MRPS6: variants seen among roughly 807,000 people sequenced by gnomAD.
The protein encoded by MRPS6 is small ribosomal subunit protein bS6m.
MRPS6 carries 6 observed loss-of-function variants against 13.1 expected under a neutral mutation model. That is an observed-to-expected ratio of 0.46 (90% confidence interval 0.25 to 0.91). The LOEUF is 0.91. Ranked by LOEUF, MRPS6 falls within the 40% of genes least tolerant of loss-of-function variation. The pLI is 0.18. For synonymous variants in MRPS6, 61 were observed against 56.5 expected (o/e 1.08, Z -0.36); for missense variants, 164 against 155.6 (o/e 1.05, Z -0.29).
intron 2 of MRPS6, among the ~76,000 whole-genome samples, chr21:34,127,173 C>CA (rs1980339183): frequency 6.6e-6 from 1 of 152,188 alleles, no homozygotes; most frequent in Non-Finnish European, 1.5e-5. Context: ...TCAGACTCCT[C>CA]AACAAACAGA....
At chr21:34,100,076 T>A (rs1979165568) in intron 1 of MRPS6, 1 of 997,624 alleles carries the variant, frequency 1.0e-6, no homozygotes, top group Non-Finnish European at 1.2e-6. Context: ...CATTAACATG[T>A]GTATATTTTT....
chr21:34,141,145 G>A (rs1007441269), intron 2 of MRPS6, among the ~76,000 whole-genome samples: 99 of 152,126 alleles, frequency 6.5e-4, no homozygotes, highest in African/African-American at 2.3e-3. Context: ...ACACCATCAC[G>A]GTCAAAGATT....
At position 34,088,040 on chromosome 21, in the gene MRPS6, A is replaced by T. The variant is rs1026159597; in HGVS notation, c.45+14295A>T. Among the ~76,000 whole-genome samples, 3 of 152,220 alleles carry T rather than the reference A, an allele frequency of 2.0e-5. No homozygotes were observed. In the South Asian group the frequency reaches 6.2e-4, roughly 32 times the overall value. On this transcript the variant is annotated intron_variant, in intron 1 of 2. Coordinates refer to ENST00000399312, the MANE Select transcript of MRPS6 (RefSeq NM_032476.4). ...CACATTTTTTGGGCAAGAGCAAATTATTCATACCCCGGAACAACAGGCAAC... is the reference window on the plus strand; with the variant it reads ...CACATTTTTTGGGCAAGAGCAAATTTTTCATACCCCGGAACAACAGGCAAC...
intron 1 of MRPS6, 48 bp downstream of exon 1, chr21:34,073,793 C>T: frequency 7.2e-7 from 1 of 1,395,388 alleles, no homozygotes. Flanking sequence ...GGCGCCCCCG[C>T]TGCCGCTAGG....
chr21:34,109,321 G>A (rs1371288852), intron 1 of MRPS6, among the ~76,000 whole-genome samples: 1 of 152,260 alleles, frequency 6.6e-6, no homozygotes, highest in South Asian at 2.1e-4. Flanking sequence ...CTGGCATCAC[G>A]ATTGGGCCTG....
chr21:34,087,109 G>T (rs1001942952), intron 1 of MRPS6, among the ~76,000 whole-genome samples: 10 of 152,164 alleles, frequency 6.6e-5, no homozygotes, highest in African/African-American at 2.4e-4. Context: ...GGAGATGGTG[G>T]CTCCAGATAC....
At chr21:34,135,522 A>C (rs1980663444) in intron 2 of MRPS6, 5 of 506,238 alleles carry the variant, frequency 9.9e-6, no homozygotes, top group Non-Finnish European at 2.0e-5. Context: ...TGATGAGCTC[A>C]TCTGCCAGGC....
intron 2 of MRPS6, among the ~76,000 whole-genome samples, chr21:34,133,728 A>G (rs1042032968): frequency 2.6e-5 from 4 of 152,172 alleles, no homozygotes; most frequent in Admixed American, 6.5e-5. Context: ...TCAGCAGCAC[A>G]TTACTCTAAG....
chr21:34,102,980 T>A (rs969599935), intron 1 of MRPS6: 39 of 999,754 alleles, frequency 3.9e-5, no homozygotes, highest in Admixed American at 1.8e-4. Context: ...AAAAGAGTGT[T>A]TACTTTTTAT....
chr21:34,090,344 C>T (rs1978622163), intron 1 of MRPS6, among the ~76,000 whole-genome samples: 1 of 152,214 alleles, frequency 6.6e-6, no homozygotes, highest in African/African-American at 2.4e-5. Context: ...TATTCCACCA[C>T]AGGAATTTGC....
chr21:34,103,048 C>T lies in MRPS6; in HGVS notation c.46-22293C>T, dbSNP rs532661552. 4.0e-6 allele frequency: 4 copies of T among 999,916 alleles called. No homozygotes were observed. In the South Asian group the frequency reaches 1.4e-4, roughly 35 times the overall value. 61.9% of individuals were successfully genotyped at this position (999,916 alleles called of 1,614,324 possible). On this transcript the variant is annotated intron_variant, in intron 1 of 2. Transcript: ENST00000399312. ...CAATTTATCAACATAGCCTAGACTT[C>T]TGTAAGTGGAATGTTCATTAGTAAC... is the stretch of plus-strand genomic sequence containing the variant.
chr21:34,135,402 G>C (rs879138586), intron 2 of MRPS6: 1 of 303,944 alleles, frequency 3.3e-6, no homozygotes, highest in Admixed American at 3.4e-5. Context: ...CCAAAGGGCA[G>C]ACTGGTTTAT....
chr21:34,088,145 T>C (rs1978490321), intron 1 of MRPS6, among the ~76,000 whole-genome samples: 1 of 152,266 alleles, frequency 6.6e-6, no homozygotes, highest in Non-Finnish European at 1.5e-5. Context: ...GTACAGCTAA[T>C]TCCTTTAACT....
At chr21:34,125,608 A>C (rs560156166) in intron 2 of MRPS6, 128 bp downstream of exon 2, 1 of 1,376,730 alleles carries the variant, frequency 7.3e-7, no homozygotes, top group African/African-American at 1.5e-5. Context: ...TCCTTTGGGT[A>C]CACACTCTGG....
In MRPS6 at chr21:34,122,476, A is replaced by G. The variant is rs374853537; in HGVS notation, c.46-2865A>G. ...CTGAAGTCAAACAATTTTTTTTTTT[A>G]TATTTTCCTAAGTTACATTCTTGTT... On this transcript the variant is annotated intron_variant, in intron 1 of 2. Coordinates refer to ENST00000399312, the MANE Select transcript of MRPS6 (RefSeq NM_032476.4). The G allele has an allele frequency of 1.5e-4, 22 of 151,354 alleles. 1 individual carries two copies. Among genetic ancestry groups the G allele is most frequent in the African/African-American group, 4.8e-4 (20 of 41,272 alleles). 9.4% of individuals were successfully genotyped at this position (151,354 alleles called of 1,614,324 possible).
intron 1 of MRPS6, among the ~76,000 whole-genome samples, chr21:34,118,556 T>C (rs1311579591): frequency 7.0e-6 from 1 of 143,848 alleles, no homozygotes; most frequent in Non-Finnish European, 1.5e-5. Flanking sequence ...TTTCTTTCTT[T>C]CTTTTTTTTT....
intron 1 of MRPS6, among the ~76,000 whole-genome samples, chr21:34,111,700 A>G (rs1979706120): frequency 6.6e-6 from 1 of 152,168 alleles, no homozygotes; most frequent in Admixed American, 6.5e-5. Flanking sequence ...AATGAGAGCC[A>G]CCATTCCCTA....
intron 1 of MRPS6, among the ~76,000 whole-genome samples, chr21:34,077,557 C>T (rs1348208704): frequency 6.6e-6 from 1 of 151,980 alleles, no homozygotes; most frequent in Non-Finnish European, 1.5e-5. Flanking sequence ...ATTGCATGTA[C>T]AATAAGATAG....
chr21:34,102,893 A>G (rs777168574), intron 1 of MRPS6: 102 of 999,692 alleles, frequency 1.0e-4, no homozygotes, highest in Non-Finnish European at 1.2e-4. Flanking sequence ...GAATTCGACA[A>G]CCGCACAAGT....
Sources: gnomAD v4.1 joint callset for allele counts (sites outside exome capture counted in the v4.1 genomes callset) on GRCh38, gnomAD v4.1.1 for gene constraint, MANE v1.5 for transcripts, NCBI Gene and HGNC (gene_info 2026-07-23, HGNC 2026-07-21) for gene names.